Variants in STAB2 observed in about 807,000 individuals in gnomAD.
STAB2 encodes stabilin 2.
Under a neutral mutation model 338.1 loss-of-function variants are expected in STAB2, and 288 were observed. The observed-to-expected ratio is 0.85, with a 90% CI of 0.77 to 0.94. STAB2 has a LOEUF of 0.94. Among genes scored for constraint, STAB2 ranks in the 40% least tolerant of loss-of-function variants. STAB2 has a pLI of 0.00. For missense variants in STAB2, 3,141 were observed against 3,210.1 expected, an observed-to-expected ratio of 0.98 and a Z score of 0.52; for synonymous variants, 1,202 against 1,193.3, an observed-to-expected ratio of 1.01 and a Z score of -0.15.
intron 58 of STAB2, among the ~76,000 whole-genome samples, chr12:103,748,422 T>G (rs1199866345): frequency 1.3e-5 from 2 of 152,104 alleles, no homozygotes; most frequent in African/African-American, 2.4e-5. Context: ...AAAGCATGGA[T>G]TTTTGGAGGC....
At chr12:103,688,114 T>C in intron 27 of STAB2, 54 bp from the exon 28 acceptor site, 1 of 1,553,518 alleles carries the variant, frequency 6.4e-7, no homozygotes, top group Non-Finnish European at 8.9e-7. Context: ...CTCATTGTTC[T>C]TTCTCTGTGT....
chr12:103,675,832 C>T, intron 23 of STAB2, 96 bp from the exon 24 acceptor site: 1 of 907,380 alleles, frequency 1.1e-6, no homozygotes, highest in Non-Finnish European at 1.7e-6. Context: ...AGGATGGAGC[C>T]ATTTGGCCAG....
intron 42 of STAB2, among the ~76,000 whole-genome samples, chr12:103,714,581 G>A (rs1302498300): frequency 2.0e-5 from 3 of 152,082 alleles, no homozygotes; most frequent in African/African-American, 7.2e-5. Context: ...CAGCTACTTG[G>A]GAGGCTGAGG....
At position 103,668,914 on chromosome 12, in the gene STAB2, C is replaced by T. The variant is rs1875442090; in HGVS notation, c.2172+185C>T. 1.1e-5 allele frequency: 6 copies of T among 571,254 alleles called. No individual in the cohort carries two copies. In the Admixed American group the frequency reaches 1.9e-4, roughly 18 times the overall value. The allele number at this position is 571,254 out of a possible 1,614,324, so 35.4% of individuals were successfully genotyped here. On this transcript the variant is annotated intron_variant, in intron 20 of 68. Coordinates refer to ENST00000388887, the MANE Select transcript of STAB2 (RefSeq NM_017564.10). ...ACTCTGTCCTTTCCTGCATCACAGC[C>T]TCCCATGGTTCCCTACCCTCTTAAC...
Position 103,737,743 on chromosome 12 carries a change from G to C in STAB2, c.5660G>C (p.Gly1887Ala), listed in dbSNP as rs1041637982. ...TGTCTGCTGATTGATCCCACCCTGG[G>C]GGGCCGCTGTGACACCTTTACTACT... is the stretch of plus-strand genomic sequence containing the variant. Reference protein sequence around the residue: ...IDCLLIDPTLGGRCDTFTTFD... With the variant: ...IDCLLIDPTLAGRCDTFTTFD... The change falls in exon 53 of 69, where the codon GGG (glycine) becomes GCG (alanine). Residue 1887 changes from glycine to alanine, a missense_variant. Gly to Ala is a moderately conservative substitution (Grantham distance 60). Transcript: ENST00000388887. 6.2e-7 allele frequency: 1 copy of C among 1,613,944 alleles called. No homozygotes were observed. The highest frequency in any genetic ancestry group is 8.5e-7 in the Non-Finnish European group (1 of 1,179,986).
chr12:103,704,717 C>A, intron 36 of STAB2, 103 bp downstream of exon 36: 1 of 970,966 alleles, frequency 1.0e-6, no homozygotes, highest in Non-Finnish European at 1.5e-6. Flanking sequence ...CTCATTCCTT[C>A]ACTTAATTTG....
At chr12:103,652,159 A>G (rs1433840684) in intron 11 of STAB2, among the ~76,000 whole-genome samples, 1 of 152,088 alleles carries the variant, frequency 6.6e-6, no homozygotes, top group African/African-American at 2.4e-5. Flanking sequence ...TGCTTTACCT[A>G]CTCTTTCCAT....
At chr12:103,748,344 T>A (rs1883244441) in intron 58 of STAB2, among the ~76,000 whole-genome samples, 1 of 152,202 alleles carries the variant, frequency 6.6e-6, no homozygotes, top group Non-Finnish European at 1.5e-5. Context: ...AGGCTGGAGC[T>A]AATCTATCGT....
At chr12:103,676,058 C>CTTTTTTTTTTTTTTTTTTTTTTTTTT (rs35874368) in intron 24 of STAB2, 37 bp downstream of exon 24, 1 of 599,838 alleles carries the variant, frequency 1.7e-6, no homozygotes. Context: ...TGCCTGGTTT[C>CTTTTTTTTTTTTTTTTTTTTTTTTTT]TTTTTTTTTT....
intron 17 of STAB2, among the ~76,000 whole-genome samples, chr12:103,661,260 C>T (rs1874591979): frequency 1.3e-5 from 2 of 151,154 alleles, no homozygotes; most frequent in South Asian, 4.2e-4. Context: ...GTGCAAAGAC[C>T]CTGAGGTCAG....
chr12:103,699,049 T>A (rs1489169728), intron 33 of STAB2, 47 bp from the exon 34 acceptor site: 2 of 1,576,232 alleles, frequency 1.3e-6, no homozygotes, highest in Non-Finnish European at 1.7e-6. Flanking sequence ...GCTGGGTAAC[T>A]GTCAGGCTGA....
intron 3 of STAB2, among the ~76,000 whole-genome samples, chr12:103,608,371 T>C (rs2138587170): frequency 6.6e-6 from 1 of 152,282 alleles, no homozygotes; most frequent in South Asian, 2.1e-4. Flanking sequence ...CTCAATCTCC[T>C]GACCTCGTGA....
rs1296361871 is a variant in STAB2 at position 103,728,887 on chromosome 12, T to A, written c.4974T>A (p.Val1658=). Residue 1658 remains valine, a synonymous_variant, in exon 48 of 69, where the codon GTT becomes GTA. Coordinates refer to ENST00000388887, the MANE Select transcript of STAB2 (RefSeq NM_017564.10). ...ACAAATACGGTTTAATGCCCCAGGT[T>A]CTTCGGTACCATGTGGTCGCCTGCC... ...DWDKYGLMPQ[V]LRYHVVACHQ... 1 of 1,613,894 alleles carries A rather than the reference T, an allele frequency of 6.2e-7. No homozygotes were observed. The highest frequency in any genetic ancestry group is 1.3e-5 in the African/African-American group (1 of 74,924).
At chr12:103,735,074 A>G (rs991362336) in intron 51 of STAB2, among the ~76,000 whole-genome samples, 5 of 152,222 alleles carry the variant, frequency 3.3e-5, no homozygotes, top group Admixed American at 3.3e-4. Flanking sequence ...CCTCATTTCC[A>G]AATAAGATCA....
chr12:103,640,368 A>T, intron 9 of STAB2, 112 bp downstream of exon 9: 2 of 1,354,754 alleles, frequency 1.5e-6, no homozygotes, highest in South Asian at 2.9e-5. Context: ...CCTTGCATCC[A>T]CCCCCACCCC....
At chr12:103,736,217 T>C (rs1167703075) in intron 52 of STAB2, among the ~76,000 whole-genome samples, 8 of 152,208 alleles carry the variant, frequency 5.3e-5, no homozygotes, top group Non-Finnish European at 1.2e-4. Flanking sequence ...GTGCCTTCTC[T>C]TTCTGCTCTG....
chr12:103,676,012 T>C lies in STAB2; in HGVS notation c.2637T>C (p.Cys879=). ...GCACAGGACTAACTCCAGGAGGCTG[T>C]AGCCGCAATGTGAGTACTGGTCTTC... The part of the protein sequence containing the change: ...DPCTGLTPGG[C]SRNAECIKTG... Residue 879 remains cysteine (C), a synonymous_variant, in exon 24 of 69, where the codon TGT becomes TGC. Transcript: ENST00000388887. 1 of 1,608,932 alleles carries C rather than the reference T, an allele frequency of 6.2e-7. No homozygotes were observed.
intron 65 of STAB2, 127 bp from the exon 66 acceptor site, chr12:103,761,173 C>G (rs1884507225): frequency 6.6e-6 from 5 of 762,546 alleles, no homozygotes; most frequent in African/African-American, 1.7e-5. Context: ...AAGTCCTGGG[C>G]TGCCTATCAG....
intron 39 of STAB2, 137 bp from the exon 40 acceptor site, chr12:103,711,334 C>A: frequency 8.8e-7 from 1 of 1,133,894 alleles, no homozygotes; most frequent in Non-Finnish European, 1.3e-6. Flanking sequence ...AAAGGATTGA[C>A]ATGACCTCAT....
Sources: allele counts gnomAD v4.1 joint callset (sites outside exome capture counted in the v4.1 genomes callset), GRCh38; gene constraint gnomAD v4.1.1; transcripts MANE v1.5; gene names NCBI Gene and HGNC (gene_info 2026-07-23, HGNC 2026-07-21).